Variants in USP1 observed in about 807,000 individuals in gnomAD.
The protein encoded by USP1 is ubiquitin carboxyl-terminal hydrolase 1.
In USP1, 18 loss-of-function variants were observed where a neutral mutation model predicts 72.2. The ratio of observed to expected loss-of-function variants is 0.25; its 90% CI spans 0.17 to 0.37. The LOEUF is 0.37. USP1 is among the 10% of genes least tolerant of loss of function. USP1 has a pLI of 1.00. For synonymous variants in USP1, 354 were observed against 303.7 expected (o/e 1.17, Z -1.72); for missense variants, 759 against 884.9 (o/e 0.86, Z 1.81).
chr1:62,437,449 T>G, intron 1 of USP1, 49 bp downstream of exon 1: 1 of 328,866 alleles, frequency 3.0e-6, no homozygotes. Context: ...CGGGGGCAAG[T>G]TCGGCCGGCG....
chr1:62,448,809 T>C (rs995957625), intron 8 of USP1, 143 bp downstream of exon 8: 4 of 817,606 alleles, frequency 4.9e-6, no homozygotes. Flanking sequence ...TTTGTTCTTA[T>C]TAACAGTTTC....
intron 1 of USP1, among the ~76,000 whole-genome samples, chr1:62,439,066 G>C (rs1259337061): frequency 1.3e-5 from 2 of 152,172 alleles, no homozygotes; most frequent in African/African-American, 4.8e-5. Context: ...CATTGGAAGA[G>C]AGGACTCATC....
Position 62,451,094 on chromosome 1 carries a change from T to G in USP1, c.*113T>G, listed in dbSNP as rs1314172078. 9.0e-7 allele frequency: 1 copy of G among 1,106,762 alleles called. No homozygotes were observed. The allele number at this position is 1,106,762 out of a possible 1,614,324, so 68.6% of individuals were successfully genotyped here. On this transcript the variant is annotated 3_prime_UTR_variant, in exon 9 of 9. Coordinates refer to ENST00000339950, the MANE Select transcript of USP1 (RefSeq NM_003368.5). ...TTTTGAAGCTACTGGATATTATTGG[T>G]CTCTCTAGGTTTTTATATAAATAGT...
At position 62,437,248 on chromosome 1, in the gene USP1, G is replaced by T; in HGVS notation, c.-222G>T. 2.5e-6 allele frequency: 1 copy of T among 398,390 alleles called. No homozygotes were observed. The highest frequency in any genetic ancestry group is 3.6e-5 in the East Asian group (1 of 28,056). The allele number at this position is 398,390 out of a possible 1,614,324, so 24.7% of individuals were successfully genotyped here. On this transcript the variant is annotated 5_prime_UTR_variant, in exon 1 of 9. Transcript: ENST00000339950. ...GGGTTCCCGCTCTTGGGAGCGGATGGTCACTCCCCCGCGGGGAGGGCGAGC... is the reference window on the plus strand; with the variant it reads ...GGGTTCCCGCTCTTGGGAGCGGATGTTCACTCCCCCGCGGGGAGGGCGAGC...
chr1:62,450,169 T>C, intron 8 of USP1, 77 bp from the exon 9 acceptor site: 3 of 1,510,800 alleles, frequency 2.0e-6, no homozygotes, highest in Non-Finnish European at 1.8e-6. Flanking sequence ...AGATTTTTAC[T>C]TGGTTTCAGA....
At chr1:62,439,002 A>G (rs1645113286) in intron 1 of USP1, among the ~76,000 whole-genome samples, 1 of 152,108 alleles carries the variant, frequency 6.6e-6, no homozygotes, top group South Asian at 2.1e-4. Flanking sequence ...TTATTCTTTA[A>G]TAAGCTTTTT....
chr1:62,441,494 A>G lies in USP1; in HGVS notation c.177A>G (p.Gln59=). 6.2e-7 allele frequency: 1 copy of G among 1,604,898 alleles called. No individual in the cohort carries two copies. Among genetic ancestry groups the G allele is most frequent in the Non-Finnish European group, 8.5e-7 (1 of 1,177,428 alleles). Residue 59 remains glutamine (Q), a synonymous_variant, in exon 3 of 9, where the codon CAA becomes CAG. Transcript: ENST00000339950. ...TCCCTTCTATATTTCATAGTGATCA[A>G]GTTGTTCCTGCAGCACAGTCTTCAC... ...ASEYRASEID[Q]VVPAAQSSPI...
At chr1:62,445,588 T>C (rs770558301) in intron 6 of USP1, among the ~76,000 whole-genome samples, 159 bp downstream of exon 6, 5 of 151,552 alleles carry the variant, frequency 3.3e-5, no homozygotes, top group African/African-American at 4.9e-5. Context: ...TTAAGTGCTA[T>C]GCTTAGATTA....
At position 62,445,213 on chromosome 1, in the gene USP1, G is replaced by A. The variant is rs1311777485; in HGVS notation, c.1033G>A (p.Ala345Thr). The A allele has an allele frequency of 6.2e-7, 1 of 1,611,968 alleles. No individual in the cohort carries two copies. Among genetic ancestry groups the A allele is most frequent in the Admixed American group, 1.7e-5 (1 of 59,536 alleles). ...SRVKINWLKS[A>T]TKQPSILSKF... Reference sequence around the variant, plus strand: ...AGTTAAAATAAATTGGTTAAAGTCTGCAACTAAGCAACCCAGCATTCTTTC... The same window carrying A: ...AGTTAAAATAAATTGGTTAAAGTCTACAACTAAGCAACCCAGCATTCTTTC... The change falls in exon 6 of 9, where the codon GCA (alanine) becomes ACA (threonine). Residue 345 changes from alanine (A) to threonine (T), a missense_variant. Coordinates refer to ENST00000339950, the MANE Select transcript of USP1 (RefSeq NM_003368.5).
chr1:62,447,930 G>A (rs542235518), intron 7 of USP1, among the ~76,000 whole-genome samples: 58 of 152,224 alleles, frequency 3.8e-4, no homozygotes, highest in African/African-American at 1.2e-3. Context: ...GGGACTGCAG[G>A]TGCCCACCAC....
intron 1 of USP1, among the ~76,000 whole-genome samples, chr1:62,438,316 C>T (rs1445204280): frequency 1.3e-5 from 2 of 152,094 alleles, no homozygotes; most frequent in African/African-American, 2.4e-5. Context: ...TCCCTGAGAA[C>T]TTAGCGCAGG....
chr1:62,450,207 T>C (rs767401109), intron 8 of USP1, 39 bp from the exon 9 acceptor site: 6 of 1,563,960 alleles, frequency 3.8e-6, no homozygotes, highest in South Asian at 3.6e-5. Context: ...GAATTTAAAA[T>C]AGAACTGCAG....
Position 62,441,743 on chromosome 1 carries a change from CTA to C in USP1, c.291+136_291+137del, listed in dbSNP as rs2149204822. ...TTGATTGTTAATAAACCAGAATAGG[CTA>C]AAATAATAAGTTACATGTTATTAAA... is the stretch of plus-strand genomic sequence containing the variant. On this transcript the variant is annotated intron_variant, in intron 3 of 8. Transcript: ENST00000339950. The C allele has an allele frequency of 3.8e-6, 4 of 1,042,842 alleles. No individual in the cohort carries two copies. In the East Asian group the frequency reaches 1.1e-4, roughly 30 times the overall value. 64.6% of individuals were successfully genotyped at this position (1,042,842 alleles called of 1,614,324 possible).
intron 4 of USP1, 38 bp downstream of exon 4, chr1:62,442,337 AAAAGT>A: frequency 6.9e-7 from 1 of 1,449,158 alleles, no homozygotes; most frequent in Non-Finnish European, 9.4e-7. Flanking sequence ...TGTAAAAAGC[AAAAGT>A]AAATTAATGG....
intron 8 of USP1, 25 bp from the exon 9 acceptor site, chr1:62,450,221 A>G: frequency 6.3e-7 from 1 of 1,582,842 alleles, no homozygotes; most frequent in Non-Finnish European, 8.6e-7. Context: ...ACTGCAGGAA[A>G]CCTTTTCTTT....
Position 62,437,056 on chromosome 1 carries a change from C to G in USP1, c.-414C>G. On this transcript the variant is annotated 5_prime_UTR_variant, in exon 1 of 9. Coordinates refer to ENST00000339950, the MANE Select transcript of USP1 (RefSeq NM_003368.5). ...GGGGGTCCTGAGACTGAGGAAAACG[C>G]GCCAAGTTCCCCTCGGTGGCGGAGT... 2.5e-6 allele frequency: 1 copy of G among 398,776 alleles called. No individual in the cohort carries two copies. The highest frequency in any genetic ancestry group is 4.4e-6 in the Non-Finnish European group (1 of 225,912). 24.7% of individuals were successfully genotyped at this position (398,776 alleles called of 1,614,324 possible).
In USP1 at chr1:62,451,673, T is replaced by A. The variant is rs1411571813; in HGVS notation, c.*692T>A. 2.0e-5 allele frequency: 3 copies of A among 152,766 alleles called. No homozygotes were observed. Among genetic ancestry groups the A allele is most frequent in the Non-Finnish European group, 4.4e-5 (3 of 68,034 alleles). 9.5% of individuals were successfully genotyped at this position (152,766 alleles called of 1,614,324 possible). A position where few individuals can be genotyped will look rare whatever the true frequency, so the allele number is the denominator to read the frequency against. On this transcript the variant is annotated 3_prime_UTR_variant, in exon 9 of 9. Transcript: ENST00000339950. ...GTATATAGTACATCAAACTTAGAGGTGTGACCTTAAATTTAACTTTTTTTA... is the reference window on the plus strand; with the variant it reads ...GTATATAGTACATCAAACTTAGAGGAGTGACCTTAAATTTAACTTTTTTTA...
chr1:62,446,869 C>T (rs1157535915), intron 6 of USP1, among the ~76,000 whole-genome samples: 1 of 151,856 alleles, frequency 6.6e-6, no homozygotes. Context: ...GGCTAGAGTG[C>T]AATGGCATGA....
chr1:62,437,292 G>A lies in USP1; in HGVS notation c.-178G>A, dbSNP rs996116935. The A allele has an allele frequency of 5.3e-5, 21 of 397,158 alleles. No individual in the cohort carries two copies. Among genetic ancestry groups the A allele is most frequent in the African/African-American group, 1.0e-4 (5 of 48,610 alleles). The allele number at this position is 397,158 out of a possible 1,614,324, so 24.6% of individuals were successfully genotyped here. A position where few individuals can be genotyped will look rare whatever the true frequency, so the allele number is the denominator to read the frequency against. The stretch of plus-strand genomic sequence containing the variant: ...GGCGAGCCGACCAGATTTTCCTGGG[G>A]CCGGGGACCCGGCGGGCTCGGGGCA... On this transcript the variant is annotated 5_prime_UTR_variant, in exon 1 of 9. Coordinates refer to ENST00000339950, the MANE Select transcript of USP1 (RefSeq NM_003368.5).
Sources: gnomAD v4.1 joint callset for allele counts (sites outside exome capture counted in the v4.1 genomes callset) on GRCh38, gnomAD v4.1.1 for gene constraint, MANE v1.5 for transcripts, NCBI Gene and HGNC (gene_info 2026-07-23, HGNC 2026-07-21) for gene names.